MAML3: variants seen among roughly 807,000 people sequenced by gnomAD.
MAML3 encodes mastermind like transcriptional coactivator 3, also known as mastermind-like protein 3.
A neutral mutation model predicts 101.9 loss-of-function variants in MAML3; 27 were observed. That is an observed-to-expected ratio of 0.27 (90% CI 0.20 to 0.37). The LOEUF is 0.37. Ranked by LOEUF, MAML3 falls within the 10% of genes least tolerant of loss-of-function variation. The pLI, the probability that MAML3 is intolerant of heterozygous loss-of-function variation, is 1.00. For synonymous variants in MAML3, 501 were observed against 555.9 expected (o/e 0.90, Z 1.39); for missense variants, 1,316 against 1,444.9 (o/e 0.91, Z 1.45).
At chr4:139,755,708 C>G (rs751621486) in intron 2 of MAML3, among the ~76,000 whole-genome samples, 6 of 152,116 alleles carry the variant, frequency 3.9e-5, no homozygotes, top group South Asian at 2.1e-4. Flanking sequence ...AACATTGACA[C>G]ATTTAACACA....
chr4:139,772,705 A>G (rs1230071987), intron 2 of MAML3, among the ~76,000 whole-genome samples: 1 of 152,120 alleles, frequency 6.6e-6, no homozygotes, highest in Non-Finnish European at 1.5e-5. Flanking sequence ...CAAGAGGATG[A>G]ACTTCCCAGA....
At chr4:139,801,668 GTGTGTGTGTGTGTC>G (rs1553957636) in intron 2 of MAML3, among the ~76,000 whole-genome samples, 146 of 17,226 alleles carry the variant, frequency 8.5e-3, no homozygotes, top group African/African-American at 0.015. Context: ...GTGTGTGTGT[GTGTGTGTGTGTGTC>G]TGTGTGTGTG....
intron 1 of MAML3, among the ~76,000 whole-genome samples, chr4:139,939,887 C>T (rs895462615): frequency 6.6e-6 from 1 of 151,834 alleles, no homozygotes; most frequent in East Asian, 1.9e-4. Context: ...GCCTCAGGCT[C>T]CTGAATAGCT....
At position 139,890,890 on chromosome 4, in the gene MAML3, A is replaced by G. The variant is rs765664534; in HGVS notation, c.546T>C (p.Asp182=). The change falls in exon 2 of 5, where the codon GAT becomes GAC. Residue 182 remains aspartate (D), a synonymous_variant. Coordinates refer to ENST00000509479, the MANE Select transcript of MAML3 (RefSeq NM_018717.5). The surrounding 1 kb of genome is among the most constrained non-coding windows in gnomAD (Gnocchi z 4.1). ...LNGDQQNGAC[D]GNFSPTSKRI... The stretch of plus-strand genomic sequence containing the variant: ...GTTTGCTAGTCGGAGAAAAATTCCC[A>G]TCACAAGCACCATTCTGCTGGTCTC... The G allele has an allele frequency of 6.2e-7, 1 of 1,613,614 alleles. No homozygotes were observed. The highest frequency in any genetic ancestry group is 1.3e-5 in the African/African-American group (1 of 74,936).
rs550675954 is a variant in MAML3, at chr4:139,816,173, A to T, written c.2079+73184T>A. On this transcript the variant is annotated intron_variant, in intron 2 of 4. Transcript: ENST00000509479. The stretch of plus-strand genomic sequence containing the variant: ...CAGCCCAGCGTGGTGAGTCAACAGC[A>T]GTGACAAGACACAAAGAAGAAAGAA... Among the ~76,000 whole-genome samples, 12 of 152,292 alleles carry T rather than the reference A, an allele frequency of 7.9e-5. No individual in the cohort carries two copies. In the South Asian group the frequency reaches 2.5e-3, roughly 32 times the overall value.
chr4:139,964,515 A>G (rs1403200208), intron 1 of MAML3, among the ~76,000 whole-genome samples: 1 of 152,160 alleles, frequency 6.6e-6, no homozygotes, highest in East Asian at 1.9e-4. Context: ...ATGTATACCT[A>G]TGTAATAAAC....
rs567759948 is a variant in MAML3, at chr4:139,884,756, G to T, written c.2079+4601C>A. 3.2e-4 allele frequency among the ~76,000 whole-genome samples: 49 copies of T among 152,270 alleles called. 2 individuals are homozygous for T. Among genetic ancestry groups the T allele is most frequent in the African/African-American group, 1.2e-3 (48 of 41,548 alleles). ...AGCTTTTCTATTTGATCTCAAAAGCGGCTCTGTGTTATTTGTGCTAATGCT... is the reference window on the plus strand; with the variant it reads ...AGCTTTTCTATTTGATCTCAAAAGCTGCTCTGTGTTATTTGTGCTAATGCT... On this transcript the variant is annotated intron_variant, in intron 2 of 4. Transcript: ENST00000509479.
intron 2 of MAML3, among the ~76,000 whole-genome samples, chr4:139,811,066 G>A (rs7677111): frequency 0.026 from 4,031 of 152,314 alleles, 189 homozygotes; most frequent in African/African-American, 0.092. Flanking sequence ...CATTGGGTAG[G>A]AAGACAGAAG....
chr4:139,803,978 G>A (rs1382919439), intron 2 of MAML3, among the ~76,000 whole-genome samples: 1 of 152,166 alleles, frequency 6.6e-6, no homozygotes, highest in Non-Finnish European at 1.5e-5. Flanking sequence ...GATCTGATAT[G>A]ATCTTCACAT....
chr4:140,133,924 G>C, intron 1 of MAML3: 1 of 348,884 alleles, frequency 2.9e-6, no homozygotes, highest in South Asian at 2.2e-5. Context: ...TCATCTATTT[G>C]ATTTTTTACC....
At chr4:139,999,976 C>T (rs914266004) in intron 1 of MAML3, among the ~76,000 whole-genome samples, 17 of 152,256 alleles carry the variant, frequency 1.1e-4, no homozygotes, top group African/African-American at 3.9e-4. Context: ...TATGTTTCAC[C>T]AAACATGTAT....
At chr4:139,857,537 G>C (rs945596497) in intron 2 of MAML3, among the ~76,000 whole-genome samples, 8 of 152,174 alleles carry the variant, frequency 5.3e-5, no homozygotes, top group Non-Finnish European at 1.2e-4. Flanking sequence ...TCAGAGGTTA[G>C]ACATTTAAGG....
At chr4:139,894,535 G>A (rs1733172457) in intron 1 of MAML3, among the ~76,000 whole-genome samples, 1 of 151,192 alleles carries the variant, frequency 6.6e-6, no homozygotes, top group South Asian at 2.1e-4. Context: ...AAGAAAGAAA[G>A]AAAGAAAGAA....
intron 1 of MAML3, among the ~76,000 whole-genome samples, chr4:139,938,332 C>T (rs1405948457): frequency 6.6e-6 from 1 of 152,110 alleles, no homozygotes; most frequent in Non-Finnish European, 1.5e-5. Context: ...TGACTCCATC[C>T]GTTTACAGAA....
At chr4:140,075,437 C>G (rs1024623241) in intron 1 of MAML3, among the ~76,000 whole-genome samples, 1 of 152,162 alleles carries the variant, frequency 6.6e-6, no homozygotes, top group Non-Finnish European at 1.5e-5. Context: ...TTAATGAGTT[C>G]GCTAACCAAT....
At chr4:139,937,232 T>A (rs1371024464) in intron 1 of MAML3, among the ~76,000 whole-genome samples, 4 of 152,206 alleles carry the variant, frequency 2.6e-5, no homozygotes, top group African/African-American at 9.7e-5. Context: ...AATGTGATTA[T>A]TGCATTGTTG....
intron 2 of MAML3, among the ~76,000 whole-genome samples, chr4:139,788,431 G>A (rs1297753096): frequency 6.6e-6 from 1 of 152,146 alleles, no homozygotes; most frequent in Non-Finnish European, 1.5e-5. Context: ...AGAAAGATAT[G>A]TCACATCCTG....
intron 1 of MAML3, among the ~76,000 whole-genome samples, chr4:140,041,008 G>A (rs1201073545): frequency 6.6e-6 from 1 of 151,854 alleles, no homozygotes; most frequent in Non-Finnish European, 1.5e-5. Context: ...GGACACCAAG[G>A]AATCATTTTG....
chr4:139,901,110 C>T (rs1468369712), intron 1 of MAML3, among the ~76,000 whole-genome samples: 2 of 152,230 alleles, frequency 1.3e-5, no homozygotes, highest in African/African-American at 2.4e-5. Flanking sequence ...TGTGTCATGA[C>T]GCTCTAAAGG....
Sources: allele counts gnomAD v4.1 joint callset (sites outside exome capture counted in the v4.1 genomes callset), GRCh38; gene constraint gnomAD v4.1.1; non-coding constraint Gnocchi (gnomAD v3.1); transcripts MANE v1.5; gene names NCBI Gene and HGNC (gene_info 2026-07-23, HGNC 2026-07-21).